Variants in TBC1D22A observed in about 807,000 individuals in gnomAD.
TBC1D22A encodes the protein TBC1 domain family member 22A, also known as putative GTPase activator.
Under a neutral mutation model 60.2 loss-of-function variants are expected in TBC1D22A, and 38 were observed. The ratio of observed to expected loss-of-function variants is 0.63; its 90% CI spans 0.49 to 0.83. The LOEUF (loss-of-function observed/expected upper bound fraction) is 0.83. Ranked by LOEUF, TBC1D22A falls within the 40% of genes least tolerant of loss-of-function variation. The pLI, the probability that TBC1D22A is intolerant of heterozygous loss-of-function variation, is 0.00. For synonymous variants in TBC1D22A, 302 were observed against 281.7 expected, an observed-to-expected ratio of 1.07 and a Z score of -0.72; for missense variants, 628 against 701.0, an observed-to-expected ratio of 0.90 and a Z score of 1.18.
At chr22:46,942,236 G>T (rs964779823) in intron 8 of TBC1D22A, among the ~76,000 whole-genome samples, 5 of 151,518 alleles carry the variant, frequency 3.3e-5, no homozygotes, top group South Asian at 2.1e-4. Context: ...GCCAGCTTTG[G>T]TTTTTTTTGT....
chr22:47,004,329 A>G (rs2061508916), intron 10 of TBC1D22A, among the ~76,000 whole-genome samples: 1 of 148,024 alleles, frequency 6.8e-6, no homozygotes, highest in Non-Finnish European at 1.5e-5. Context: ...ACACACCCCT[A>G]TATACATGCG....
chr22:46,958,335 C>T (rs1355514084), intron 8 of TBC1D22A, among the ~76,000 whole-genome samples: 1 of 152,162 alleles, frequency 6.6e-6, no homozygotes, highest in Non-Finnish European at 1.5e-5. Flanking sequence ...CTTGTGACCC[C>T]CAGCCCCTTC....
chr22:46,787,489 A>C (rs183431399), intron 1 of TBC1D22A, among the ~76,000 whole-genome samples: 23 of 152,258 alleles, frequency 1.5e-4, no homozygotes, highest in Admixed American at 9.2e-4. Context: ...TTCTTTTGAA[A>C]AGTTGGTTTA....
intron 7 of TBC1D22A, among the ~76,000 whole-genome samples, chr22:46,910,216 A>G (rs772730636): frequency 1.3e-5 from 2 of 152,138 alleles, no homozygotes; most frequent in Non-Finnish European, 2.9e-5. Context: ...ACTCACCTGA[A>G]CAGCCGTGTG....
At chr22:46,873,630 G>T (rs182513436) in intron 4 of TBC1D22A, among the ~76,000 whole-genome samples, 1 of 152,188 alleles carries the variant, frequency 6.6e-6, no homozygotes, top group Admixed American at 6.5e-5. Context: ...ATTAGGCCCA[G>T]GATCCATTAG....
intron 12 of TBC1D22A, among the ~76,000 whole-genome samples, chr22:47,142,832 CCATCCACCCATCCATT>C (rs1285275905): frequency 1.5e-5 from 2 of 136,802 alleles, no homozygotes; most frequent in Non-Finnish European, 3.1e-5. Context: ...TCCTACCCTC[CCATCCACCCATCCATT>C]CATCCACCCA....
chr22:47,105,935 A>T (rs1255373691), intron 11 of TBC1D22A, among the ~76,000 whole-genome samples: 1 of 152,266 alleles, frequency 6.6e-6, no homozygotes, highest in Non-Finnish European at 1.5e-5. Context: ...GCGACATGCT[A>T]TAAAAATAAG....
chr22:46,983,776 AT>A (rs2074607332), intron 9 of TBC1D22A, among the ~76,000 whole-genome samples: 1 of 151,918 alleles, frequency 6.6e-6, no homozygotes. Context: ...TAAAAAAAAA[AT>A]AATTTGGTGG....
At chr22:46,799,166 C>T (rs1188913285) in intron 4 of TBC1D22A, among the ~76,000 whole-genome samples, 1 of 152,138 alleles carries the variant, frequency 6.6e-6, no homozygotes, top group East Asian at 1.9e-4. Context: ...GTGTCTCCTT[C>T]CAGCGATGGC....
At chr22:46,949,642 G>A (rs1241063193) in intron 8 of TBC1D22A, among the ~76,000 whole-genome samples, 3 of 152,208 alleles carry the variant, frequency 2.0e-5, no homozygotes, top group South Asian at 2.1e-4. Context: ...TCCATCTGCC[G>A]ACCAGGTATC....
chr22:46,958,622 A>G (rs982496358), intron 8 of TBC1D22A, among the ~76,000 whole-genome samples: 1 of 152,226 alleles, frequency 6.6e-6, no homozygotes, highest in African/African-American at 2.4e-5. Context: ...CTCTTCATGC[A>G]TAAGCGTTTT....
At chr22:47,042,956 T>C (rs1423537354) in intron 11 of TBC1D22A, among the ~76,000 whole-genome samples, 1 of 152,194 alleles carries the variant, frequency 6.6e-6, no homozygotes, top group African/African-American at 2.4e-5. Flanking sequence ...GTCCCTGATA[T>C]CTCTCAGGAC....
intron 10 of TBC1D22A, among the ~76,000 whole-genome samples, chr22:47,021,579 C>T (rs1327566855): frequency 2.0e-4 from 21 of 106,118 alleles, no homozygotes; most frequent in Admixed American, 4.8e-4. Flanking sequence ...AACCTCACCT[C>T]GAGCCTGGAG....
At chr22:47,129,411 A>G (rs2147111952) in intron 12 of TBC1D22A, among the ~76,000 whole-genome samples, 1 of 152,318 alleles carries the variant, frequency 6.6e-6, no homozygotes, top group South Asian at 2.1e-4. Context: ...TGGGAGGCGG[A>G]GGTTGCAGTG....
At chr22:46,801,174 GC>G (rs1423546136) in intron 4 of TBC1D22A, among the ~76,000 whole-genome samples, 1 of 152,160 alleles carries the variant, frequency 6.6e-6, no homozygotes, top group Admixed American at 6.5e-5. Context: ...AAACCAAAAA[GC>G]TAAATGCAGA....
intron 10 of TBC1D22A, among the ~76,000 whole-genome samples, chr22:47,022,538 C>T (rs370020183): frequency 1.2e-4 from 18 of 149,906 alleles, no homozygotes; most frequent in Non-Finnish European, 1.3e-4. Flanking sequence ...GGTGACAGAG[C>T]GAGACTCTGT....
At chr22:47,137,803 C>T (rs1297977445) in intron 12 of TBC1D22A, among the ~76,000 whole-genome samples, 1 of 152,046 alleles carries the variant, frequency 6.6e-6, no homozygotes, top group Admixed American at 6.5e-5. Context: ...GGGGTCCCTG[C>T]CAGTGGGGAG....
At chr22:46,881,109 G>T (rs1189088857) in intron 5 of TBC1D22A, among the ~76,000 whole-genome samples, 1 of 152,084 alleles carries the variant, frequency 6.6e-6, no homozygotes, top group Admixed American at 6.5e-5. Context: ...CCCAAGAGGA[G>T]ACCAGGTGAC....
intron 1 of TBC1D22A, among the ~76,000 whole-genome samples, chr22:46,780,977 G>C (rs1185664905): frequency 2.0e-5 from 3 of 152,074 alleles, no homozygotes; most frequent in Admixed American, 1.3e-4. Flanking sequence ...TGTAAAGACA[G>C]CTCTGGGCAC....
Sources: gnomAD v4.1 joint callset for allele counts (sites outside exome capture counted in the v4.1 genomes callset) on GRCh38, gnomAD v4.1.1 for gene constraint, MANE v1.5 for transcripts, NCBI Gene and HGNC (gene_info 2026-07-23, HGNC 2026-07-21) for gene names.